The following TUT4 variants were observed in gnomAD, a reference collection of about 807,000 sequenced individuals.
The protein encoded by TUT4 is terminal uridylyltransferase 4.
A neutral mutation model predicts 192.2 loss-of-function variants in TUT4; 36 were observed. That is an observed-to-expected ratio of 0.19 (90% CI 0.14 to 0.25). The LOEUF (loss-of-function observed/expected upper bound fraction) is 0.25. Among genes scored for constraint, TUT4 ranks in the 10% least tolerant of loss-of-function variants. TUT4 has a pLI of 1.00. For missense variants in TUT4, 1,493 were observed against 1,957.2 expected (o/e 0.76, Z 4.47); for synonymous variants, 618 against 666.0 (o/e 0.93, Z 1.11).
chr1:52,425,382 G>A lies in TUT4; in HGVS notation c.4837C>T (p.Arg1613Ter). Residue 1613 changes from arginine (R) to a stop codon, truncating the protein, a stop_gained, in exon 29 of 30, where the codon CGA becomes TGA. Coordinates refer to ENST00000257177, the MANE Select transcript of TUT4 (RefSeq NM_001009881.3). LOFTEE classifies it high-confidence loss of function. ...HQNFMHQGNA[R>*]FQPNKPFYTQ... ...TAGAAAGGTTTGTTGGGCTGGAATC[G>A]GGCATTTCCCTGATGCATGAAGTTT... 6.2e-7 allele frequency: 1 copy of A among 1,613,694 alleles called. No homozygotes were observed.
chr1:52,489,168 G>A (rs955942885), intron 8 of TUT4, 133 bp from the exon 9 acceptor site: 4 of 847,886 alleles, frequency 4.7e-6, no homozygotes, highest in Non-Finnish European at 6.4e-6. Flanking sequence ...AAAAACAAAT[G>A]TTTTAATAAA....
intron 16 of TUT4, among the ~76,000 whole-genome samples, chr1:52,464,680 T>A (rs1034409553): frequency 6.6e-6 from 1 of 152,206 alleles, no homozygotes; most frequent in Non-Finnish European, 1.5e-5. Context: ...CTACCTATAG[T>A]AACACAAAGA....
At chr1:52,534,198 A>C (rs1684277453) in intron 1 of TUT4, among the ~76,000 whole-genome samples, 1 of 151,676 alleles carries the variant, frequency 6.6e-6, no homozygotes, top group African/African-American at 2.4e-5. Context: ...GTTCCATCAT[A>C]CTCTAACATT....
intron 14 of TUT4, among the ~76,000 whole-genome samples, chr1:52,471,008 C>CA (rs1187749281): frequency 3.7e-5 from 3 of 82,148 alleles, no homozygotes; most frequent in South Asian, 4.3e-4. Flanking sequence ...GCACTCTATG[C>CA]TTTTTTTTTT....
intron 26 of TUT4, 24 bp from the exon 27 acceptor site, chr1:52,435,489 A>C (rs771189147): frequency 2.5e-6 from 4 of 1,570,526 alleles, no homozygotes; most frequent in Non-Finnish European, 3.5e-6. Flanking sequence ...TCACAAAGAA[A>C]ATCAACAGAT....
intron 15 of TUT4, among the ~76,000 whole-genome samples, chr1:52,466,882 G>A (rs762100946): frequency 1.3e-5 from 2 of 151,768 alleles, no homozygotes; most frequent in African/African-American, 4.8e-5. Flanking sequence ...GGCCAGACTC[G>A]TCTCGAACTC....
In TUT4 at chr1:52,495,428, T is replaced by C. The variant is rs1316865882; in HGVS notation, c.1265A>G (p.Lys422Arg). The C allele has an allele frequency of 1.9e-6, 3 of 1,592,794 alleles. No individual in the cohort carries two copies. Among genetic ancestry groups the C allele is most frequent in the Non-Finnish European group, 1.7e-6 (2 of 1,164,290 alleles). Reference sequence around the variant, plus strand: ...ACAGGAAAGATTCTAATTACTTACCTTGGGAGGAAATTTTATATCTATATT... The same window carrying C: ...ACAGGAAAGATTCTAATTACTTACCCTGGGAGGAAATTTTATATCTATATT... Reference protein sequence around the residue: ...DVNIDIKFPPKMNHPDLLIKV... With the variant: ...DVNIDIKFPPRMNHPDLLIKV... The change falls in exon 6 of 30, where the codon AAG (lysine) becomes AGG (arginine). Residue 422 changes from lysine (K) to arginine (R), a missense_variant and splice_region_variant. Physicochemically the swap from Lys to Arg is conservative, Grantham distance 26 (BLOSUM62 2). Coordinates refer to ENST00000257177, the MANE Select transcript of TUT4 (RefSeq NM_001009881.3).
Position 52,490,756 on chromosome 1 carries a change from A to C in TUT4, c.1364T>G (p.Val455Gly). 6.2e-7 allele frequency: 1 copy of C among 1,613,010 alleles called. No individual in the cohort carries two copies. Among genetic ancestry groups the C allele is most frequent in the East Asian group, 2.2e-5 (1 of 44,824 alleles). Reference protein sequence around the residue: ...VESDFHAKVPVVVCRDRKSGL... With the variant: ...VESDFHAKVPGVVCRDRKSGL... ...CCTTTTTCGATCTCTGCACACCACAACAGGAACTTTAGCGTGAAAATCAGA... is the reference window on the plus strand; with the variant it reads ...CCTTTTTCGATCTCTGCACACCACACCAGGAACTTTAGCGTGAAAATCAGA... Residue 455 changes from valine to glycine, a missense_variant, in exon 8 of 30, where the codon GTT becomes GGT. By Grantham distance (109) the Val-to-Gly change is moderately radical. Coordinates refer to ENST00000257177, the MANE Select transcript of TUT4 (RefSeq NM_001009881.3).
intron 1 of TUT4, among the ~76,000 whole-genome samples, chr1:52,541,287 C>T (rs1421269455): frequency 6.6e-6 from 1 of 151,050 alleles, no homozygotes; most frequent in Non-Finnish European, 1.5e-5. Context: ...AATCCTAGCA[C>T]TTTGGGAGTC....
chr1:52,433,572 T>C (rs546641127), intron 27 of TUT4: 1 of 152,184 alleles, frequency 6.6e-6, no homozygotes, highest in South Asian at 2.1e-4. Flanking sequence ...AGAATAGCAA[T>C]GTCCATTAGA....
rs376675217 is a variant in TUT4 at position 52,537,967 on chromosome 1, G to A, written c.-93-11594C>T. On this transcript the variant is annotated intron_variant, in intron 1 of 29. Coordinates refer to ENST00000257177, the MANE Select transcript of TUT4 (RefSeq NM_001009881.3). ...ACTAATTAGACTGGCTGGGCATGGCGGCTCATGCCTATAATCTCAGCACTT... is the reference window on the plus strand; with the variant it reads ...ACTAATTAGACTGGCTGGGCATGGCAGCTCATGCCTATAATCTCAGCACTT... Among the ~76,000 whole-genome samples the A allele has an allele frequency of 3.9e-4, 60 of 152,246 alleles. 5 individuals are homozygous for A. In the South Asian group the frequency reaches 0.012, roughly 29 times the overall value.
intron 1 of TUT4, among the ~76,000 whole-genome samples, chr1:52,531,885 CTTTT>C (rs1158088077): frequency 1.6e-3 from 130 of 80,754 alleles, no homozygotes; most frequent in Non-Finnish European, 2.6e-3. Context: ...CTTTTCTCAT[CTTTT>C]TTTTTTTTTT....
At chr1:52,506,602 C>T (rs1161012066) in intron 4 of TUT4, among the ~76,000 whole-genome samples, 1 of 152,164 alleles carries the variant, frequency 6.6e-6, no homozygotes, top group Non-Finnish European at 1.5e-5. Flanking sequence ...ATTATTCCTA[C>T]CCAATATAGT....
chr1:52,531,549 C>T (rs925695568), intron 1 of TUT4, among the ~76,000 whole-genome samples: 11 of 152,120 alleles, frequency 7.2e-5, no homozygotes, highest in Non-Finnish European at 1.6e-4. Context: ...CTGGGCATAC[C>T]ACAGTGCCTA....
At chr1:52,506,822 C>A (rs1053208579) in intron 4 of TUT4, among the ~76,000 whole-genome samples, 1 of 152,078 alleles carries the variant, frequency 6.6e-6, no homozygotes, top group African/African-American at 2.4e-5. Flanking sequence ...TATTTTCCTG[C>A]CTCTTTGCAT....
chr1:52,532,321 GTTTT>G (rs1041210969), intron 1 of TUT4, among the ~76,000 whole-genome samples: 6 of 150,184 alleles, frequency 4.0e-5, no homozygotes, highest in African/African-American at 1.5e-4. Flanking sequence ...AATACTTCTT[GTTTT>G]GTTTTAGCTT....
chr1:52,532,344 T>A (rs114466347), intron 1 of TUT4, among the ~76,000 whole-genome samples: 1,858 of 151,414 alleles, frequency 0.012, 32 homozygotes, highest in African/African-American at 0.043. Context: ...TTTTTTTTTT[T>A]ATACAGTATC....
intron 28 of TUT4, among the ~76,000 whole-genome samples, chr1:52,427,585 G>A (rs568956894): frequency 6.6e-6 from 1 of 152,298 alleles, no homozygotes; most frequent in African/African-American, 2.4e-5. Context: ...CAATAAACAT[G>A]TTGAATGATA....
intron 1 of TUT4, among the ~76,000 whole-genome samples, chr1:52,549,928 TAATTTGA>T (rs1415316329): frequency 1.3e-5 from 2 of 152,090 alleles, no homozygotes; most frequent in Non-Finnish European, 2.9e-5. Context: ...GACATAAAAA[TAATTTGA>T]ACATAAGACA....
Sources: allele counts gnomAD v4.1 joint callset (sites outside exome capture counted in the v4.1 genomes callset), GRCh38; gene constraint gnomAD v4.1.1; transcripts MANE v1.5; gene names NCBI Gene and HGNC (gene_info 2026-07-23, HGNC 2026-07-21).